ACLY: variants seen among roughly 807,000 people sequenced by gnomAD.
ACLY encodes ATP-citrate synthase.
In ACLY, 41 loss-of-function variants were observed where a neutral mutation model predicts 133.0. The ratio of observed to expected loss-of-function variants is 0.31; its 90% confidence interval spans 0.24 to 0.40. ACLY has a LOEUF of 0.40. Ranked by LOEUF, ACLY falls within the 10% of genes least tolerant of loss-of-function variation. The probability of loss-of-function intolerance (pLI) is 1.00; values close to 1 mark genes in which losing one functional copy is unlikely to be tolerated. For synonymous variants in ACLY, 495 were observed against 549.3 expected, an observed-to-expected ratio of 0.90 and a Z score of 1.38; for missense variants, 1,046 against 1,453.8, an observed-to-expected ratio of 0.72 and a Z score of 4.56.
At position 41,913,640 on chromosome 17, in the gene ACLY, ACC is replaced by A. The variant is rs2049967127; in HGVS notation, c.159+73_159+74del. ...CCAACCCCATGACCCTATCGGCATC[ACC>A]AACAAACCAATGGCTTTCTCTTCCT... On this transcript the variant is annotated intron_variant, in intron 2 of 28. Transcript: ENST00000352035. 19 of 1,513,274 alleles carry A rather than the reference ACC, an allele frequency of 1.3e-5. No homozygotes were observed. The East Asian group carries it at 4.3e-4, about 34-fold the overall frequency. The allele number at this position is 1,513,274 out of a possible 1,614,324, so 93.7% of individuals were successfully genotyped here.
At chr17:41,888,134 AAAAAC>A (rs1371874596) in intron 16 of ACLY, among the ~76,000 whole-genome samples, 1 of 152,136 alleles carries the variant, frequency 6.6e-6, no homozygotes, top group Non-Finnish European at 1.5e-5. Flanking sequence ...TCTCAAAAAC[AAAAAC>A]AAAACAAAAC....
chr17:41,898,590 G>C, intron 12 of ACLY, 41 bp downstream of exon 12: 1 of 1,603,620 alleles, frequency 6.2e-7, no homozygotes, highest in East Asian at 2.2e-5. Context: ...GAAAAGATGA[G>C]ATGGTTCCTT....
At position 41,896,609 on chromosome 17, in the gene ACLY, G is replaced by T; in HGVS notation, c.1459+11C>A. Reference sequence around the variant, plus strand: ...CACACGCGGAGTGGGGGCAGGGTGGGGGCATCCTACCTTGCAGGGATCTTG... The same window carrying T: ...CACACGCGGAGTGGGGGCAGGGTGGTGGCATCCTACCTTGCAGGGATCTTG... On this transcript the variant is annotated intron_variant, in intron 14 of 28. Transcript: ENST00000352035. 6.4e-7 allele frequency: 1 copy of T among 1,557,384 alleles called. No homozygotes were observed. The highest frequency in any genetic ancestry group is 8.7e-7 in the Non-Finnish European group (1 of 1,151,182).
chr17:41,867,745 T>C lies in ACLY; in HGVS notation c.*65A>G, dbSNP rs1555624170. On this transcript the variant is annotated 3_prime_UTR_variant, in exon 29 of 29. Transcript: ENST00000352035. ...AAAGCAGGCTCCACTGCCAGCTGTC[T>C]GTACACTTTTTCTTGGGGGAAGAGA... 3.0e-6 allele frequency: 4 copies of C among 1,345,272 alleles called. No individual in the cohort carries two copies. The East Asian group carries it at 7.4e-5, about 25-fold the overall frequency. 83.3% of individuals were successfully genotyped at this position (1,345,272 alleles called of 1,614,324 possible).
chr17:41,902,781 C>T (rs1555631865), intron 10 of ACLY, among the ~76,000 whole-genome samples: 1 of 152,154 alleles, frequency 6.6e-6, no homozygotes, highest in African/African-American at 2.4e-5. Context: ...TAAATCAGGT[C>T]CAGTTATGGA....
chr17:41,902,410 C>T (rs188978614), intron 10 of ACLY, among the ~76,000 whole-genome samples: 90 of 152,324 alleles, frequency 5.9e-4, no homozygotes, highest in African/African-American at 2.0e-3. Flanking sequence ...TATGAGGCTT[C>T]ACCATATTGG....
rs1431881104 is a variant in ACLY, at chr17:41,867,588, T to G, written c.*222A>C. On this transcript the variant is annotated 3_prime_UTR_variant, in exon 29 of 29. Transcript: ENST00000352035. ...CAGAGCAAAGTCACAAATATTGGCTTGGTTTTTATTTCTATGCTTATAAAA... is the reference window on the plus strand; with the variant it reads ...CAGAGCAAAGTCACAAATATTGGCTGGGTTTTTATTTCTATGCTTATAAAA... 2.8e-6 allele frequency: 1 copy of G among 351,082 alleles called. No homozygotes were observed. Among genetic ancestry groups the G allele is most frequent in the African/African-American group, 2.1e-5 (1 of 47,268 alleles). The allele number at this position is 351,082 out of a possible 1,614,324, so 21.7% of individuals were successfully genotyped here.
Position 41,878,170 on chromosome 17 carries a change from T to C in ACLY, c.2420A>G (p.Asn807Ser), listed in dbSNP as rs536517193. Residue 807 changes from asparagine to serine, a missense_variant, in exon 22 of 29, where the codon AAT (asparagine) becomes AGT (serine). Physicochemically the swap from Asn to Ser is conservative, Grantham distance 46. Coordinates refer to ENST00000352035, the MANE Select transcript of ACLY (RefSeq NM_001096.3). ...CTCCTGGGCAGGTACAATGACTCCA[T>C]TGGCCACGAGATCTTCGTATACAGA... ...IQSVYEDLVA[N>S]GVIVPAQEVP... 8.0e-5 allele frequency: 128 copies of C among 1,596,798 alleles called. No homozygotes were observed. In the East Asian group the frequency reaches 1.9e-3, roughly 24 times the overall value.
chr17:41,882,541 T>C (rs953438262), intron 20 of ACLY, among the ~76,000 whole-genome samples: 10 of 152,016 alleles, frequency 6.6e-5, no homozygotes, highest in African/African-American at 2.4e-4. Flanking sequence ...GCACAGGGGC[T>C]GAAGTCTGGC....
At chr17:41,877,125 G>GT (rs759401708) in intron 22 of ACLY, among the ~76,000 whole-genome samples, 9 of 151,126 alleles carry the variant, frequency 6.0e-5, no homozygotes, top group Non-Finnish European at 1.2e-4. Context: ...ACATGAATAT[G>GT]TTCTCTATCT....
At chr17:41,874,418 C>A (rs79565690) in intron 22 of ACLY, among the ~76,000 whole-genome samples, 1 of 152,034 alleles carries the variant, frequency 6.6e-6, no homozygotes, top group East Asian at 1.9e-4. Flanking sequence ...CAACAAGGCA[C>A]GCACCGCCAC....
chr17:41,920,238 T>C (rs1555635268), upstream of ACLY, among the ~76,000 whole-genome samples: 2 of 152,208 alleles, frequency 1.3e-5, no homozygotes, highest in Admixed American at 6.5e-5. Context: ...TGATGTCACT[T>C]TCTGGTCCCT....
chr17:41,878,490 T>A (rs1555626565), intron 21 of ACLY, among the ~76,000 whole-genome samples: 1 of 152,060 alleles, frequency 6.6e-6, no homozygotes, highest in African/African-American at 2.4e-5. Context: ...TAACTCTCTA[T>A]CAATCATAGA....
At chr17:41,903,577 A>G (rs2049597266) in intron 10 of ACLY, among the ~76,000 whole-genome samples, 2 of 151,552 alleles carry the variant, frequency 1.3e-5, no homozygotes, top group Admixed American at 6.6e-5. Context: ...ACATGGTGAA[A>G]CCCCGTCTCT....
chr17:41,896,720 G>A, intron 13 of ACLY, 71 bp from the exon 14 acceptor site: 1 of 1,404,900 alleles, frequency 7.1e-7, no homozygotes, highest in Non-Finnish European at 9.6e-7. Context: ...GAGAGGGTGG[G>A]AACAGGGAAG....
At chr17:41,875,304 C>T (rs1470427383) in intron 22 of ACLY, among the ~76,000 whole-genome samples, 3 of 150,448 alleles carry the variant, frequency 2.0e-5, no homozygotes, top group Non-Finnish European at 3.0e-5. Context: ...GAGCAGAGAT[C>T]GCACCATTGC....
At chr17:41,899,465 C>G (rs1336790400) in intron 11 of ACLY, among the ~76,000 whole-genome samples, 1 of 152,132 alleles carries the variant, frequency 6.6e-6, no homozygotes, top group Non-Finnish European at 1.5e-5. Flanking sequence ...CCCCAGGGCT[C>G]TGGCCCTGCT....
intron 10 of ACLY, 148 bp downstream of exon 10, chr17:41,904,581 C>A: frequency 1.4e-6 from 1 of 696,528 alleles, no homozygotes; most frequent in South Asian, 1.7e-5. Context: ...CTTCTCCACC[C>A]CTTTAAGAGA....
At chr17:41,913,024 A>ATGT (rs1362642771) in intron 2 of ACLY, among the ~76,000 whole-genome samples, 1 of 152,126 alleles carries the variant, frequency 6.6e-6, no homozygotes, top group Non-Finnish European at 1.5e-5. Flanking sequence ...ACCACTGCTC[A>ATGT]TACATCTCCA....
Sources: allele counts gnomAD v4.1 joint callset (sites outside exome capture counted in the v4.1 genomes callset), GRCh38; gene constraint gnomAD v4.1.1; transcripts MANE v1.5; gene names NCBI Gene and HGNC (gene_info 2026-07-23, HGNC 2026-07-21).